The following BPIFB1 variants were observed in gnomAD, a reference collection of about 807,000 sequenced individuals.
BPIFB1 encodes BPI fold containing family B member 1.
In BPIFB1, 34 loss-of-function variants were observed where a neutral mutation model predicts 55.1. The observed-to-expected ratio is 0.62, with a 90% confidence interval of 0.47 to 0.82. The LOEUF (loss-of-function observed/expected upper bound fraction) is 0.82. Among genes scored for constraint, BPIFB1 ranks in the 40% least tolerant of loss-of-function variants. The pLI is 0.00. For missense variants in BPIFB1, 532 were observed against 593.1 expected, an observed-to-expected ratio of 0.90 and a Z score of 1.07; for synonymous variants, 236 against 245.3, an observed-to-expected ratio of 0.96 and a Z score of 0.35.
intron 6 of BPIFB1, among the ~76,000 whole-genome samples, chr20:33,294,122 C>T (rs757189246): frequency 4.6e-5 from 7 of 152,068 alleles, no homozygotes; most frequent in African/African-American, 7.3e-5. Flanking sequence ...AAGGAAGATC[C>T]ATTATTTTAA....
chr20:33,301,163 C>T, intron 8 of BPIFB1, 70 bp from the exon 9 acceptor site: 1 of 1,460,668 alleles, frequency 6.8e-7, no homozygotes. Flanking sequence ...GGTGTCATTT[C>T]CTTCTAGGTT....
At chr20:33,284,001 G>T (rs1369586223) in intron 1 of BPIFB1, among the ~76,000 whole-genome samples, 1 of 152,160 alleles carries the variant, frequency 6.6e-6, no homozygotes. Context: ...GGATGCCGGG[G>T]TTCAGCTCTG....
intron 6 of BPIFB1, among the ~76,000 whole-genome samples, chr20:33,295,645 G>GAAGAAAGAAAGACAGAGAGAAAGA (rs1555797813): frequency 2.4e-5 from 3 of 125,416 alleles, no homozygotes; most frequent in African/African-American, 1.3e-4. Flanking sequence ...AAAGAGAGAA[G>GAAGAAAGAAAGACAGAGAGAAAGA]AAGAAAGAAA....
Position 33,286,069 on chromosome 20 carries a change from G to A in BPIFB1, c.-5G>A, listed in dbSNP as rs368557203. ...TGCACTTGCTGCCCTCTGACACCTG[G>A]GAAGATGGCCGGCCCGTGGACCTTC... On this transcript the variant is annotated 5_prime_UTR_variant, in exon 2 of 16. Coordinates refer to ENST00000253354, the MANE Select transcript of BPIFB1 (RefSeq NM_033197.3). 14 of 1,613,928 alleles carry A rather than the reference G, an allele frequency of 8.7e-6. No homozygotes were observed. The highest frequency in any genetic ancestry group is 8.3e-5 in the Admixed American group (5 of 60,000).
rs1034562848 is a variant in BPIFB1, at chr20:33,293,393, T to C, written c.597+1405T>C. 2.0e-5 allele frequency among the ~76,000 whole-genome samples: 3 copies of C among 152,356 alleles called. No homozygotes were observed. The South Asian group carries it at 6.2e-4, about 32-fold the overall frequency. ...GCTGCTCTTGGTGTCAGCCTTTAAA[T>C]CAGATCTATGTTTCAAAGTCATTAT... On this transcript the variant is annotated intron_variant, in intron 6 of 15. Coordinates refer to ENST00000253354, the MANE Select transcript of BPIFB1 (RefSeq NM_033197.3).
chr20:33,293,825 G>A (rs1365052356), intron 6 of BPIFB1, among the ~76,000 whole-genome samples: 1 of 151,818 alleles, frequency 6.6e-6, no homozygotes, highest in East Asian at 1.9e-4. Flanking sequence ...TAGGCATGAC[G>A]GCAAGACTCT....
At chr20:33,299,112 A>G (rs564457857) in intron 7 of BPIFB1, 1 of 456,368 alleles carries the variant, frequency 2.2e-6, no homozygotes, top group Non-Finnish European at 4.4e-6. Flanking sequence ...TCATTTTAAG[A>G]CGAGGAAACA....
chr20:33,283,492 C>T (rs1309875229), intron 1 of BPIFB1, among the ~76,000 whole-genome samples: 1 of 152,168 alleles, frequency 6.6e-6, no homozygotes, highest in African/African-American at 2.4e-5. Flanking sequence ...TGACCTCTTC[C>T]TAGTGACATA....
chr20:33,286,178 C>A lies in BPIFB1; in HGVS notation c.105C>A (p.Val35=). Residue 35 remains valine (V), a synonymous_variant, in exon 2 of 16, where the codon GTC becomes GTA. Transcript: ENST00000253354. ...CAGTTCTCATCCTCGGCCCAAAAGT[C>A]ATCAAAGAAAGTAAGTTTTGTCCCT... ...PTAVLILGPK[V]IKEKLTQELK... 6.2e-7 allele frequency: 1 copy of A among 1,614,192 alleles called. No homozygotes were observed. The highest frequency in any genetic ancestry group is 2.2e-5 in the East Asian group (1 of 44,888).
chr20:33,285,875 C>T (rs1325967754), intron 1 of BPIFB1, among the ~76,000 whole-genome samples, 158 bp from the exon 2 acceptor site: 1 of 152,210 alleles, frequency 6.6e-6, no homozygotes, highest in Non-Finnish European at 1.5e-5. Context: ...AAAACTGAGG[C>T]ACAAAGAGGT....
intron 2 of BPIFB1, among the ~76,000 whole-genome samples, chr20:33,287,328 C>A (rs1980302228): frequency 6.6e-6 from 1 of 152,172 alleles, no homozygotes; most frequent in Non-Finnish European, 1.5e-5. Context: ...CATGTCCAAG[C>A]CAGTTACCAC....
intron 7 of BPIFB1, chr20:33,299,223 GAGCGGTAGGCGGCCGGTCCCTGGCCCTCC>G: frequency 2.2e-6 from 1 of 454,328 alleles, no homozygotes; most frequent in Non-Finnish European, 4.4e-6. Flanking sequence ...GGTCTCCCTG[GAGCGGTAGGCGGCCGGTCCCTGGCCCTCC>G]AGCACTCCCC....
At chr20:33,295,654 AAGAAAGAG>A (rs1474363411) in intron 6 of BPIFB1, among the ~76,000 whole-genome samples, 2 of 150,614 alleles carry the variant, frequency 1.3e-5, no homozygotes, top group African/African-American at 2.5e-5. Flanking sequence ...AGAAGAAAGA[AAGAAAGAG>A]AGAAAGAAAG....
chr20:33,302,975 G>A lies in BPIFB1; in HGVS notation c.1041G>A (p.Glu347=), dbSNP rs909015802. ...IVKILTQDTP[E]FFIDQGHAKV... The stretch of plus-strand genomic sequence containing the variant: ...AGATCCTAACTCAGGACACTCCCGA[G>A]TTTTTTATAGACCAAGGCCATGCCA... The change falls in exon 11 of 16, where the codon GAG becomes GAA. Residue 347 remains glutamate (E), a synonymous_variant. Coordinates refer to ENST00000253354, the MANE Select transcript of BPIFB1 (RefSeq NM_033197.3). 1 of 1,614,176 alleles carries A rather than the reference G, an allele frequency of 6.2e-7. No homozygotes were observed. Among genetic ancestry groups the A allele is most frequent in the East Asian group, 2.2e-5 (1 of 44,878 alleles).
At chr20:33,297,700 C>A (rs778080565) in intron 7 of BPIFB1, 112 bp downstream of exon 7, 2 of 1,112,852 alleles carry the variant, frequency 1.8e-6, no homozygotes, top group Non-Finnish European at 2.7e-6. Context: ...GCAACTCAGG[C>A]CCAGAAGCAG....
chr20:33,290,887 G>T, intron 4 of BPIFB1, 70 bp from the exon 5 acceptor site: 1 of 1,549,458 alleles, frequency 6.5e-7, no homozygotes, highest in Non-Finnish European at 8.8e-7. Context: ...GGAAGACAGA[G>T]ACGGACGGCA....
chr20:33,294,455 G>A (rs1409382078), intron 6 of BPIFB1, among the ~76,000 whole-genome samples: 4 of 152,188 alleles, frequency 2.6e-5, no homozygotes, highest in Non-Finnish European at 4.4e-5. Flanking sequence ...CGACCTTTTA[G>A]CAAAGGTACG....
chr20:33,288,940 A>T, intron 3 of BPIFB1, 58 bp downstream of exon 3: 1 of 1,555,902 alleles, frequency 6.4e-7, no homozygotes. Context: ...TGCCCGGGAC[A>T]CGCTCTGCAT....
intron 3 of BPIFB1, 138 bp downstream of exon 3, chr20:33,289,020 C>A: frequency 1.0e-6 from 1 of 1,000,072 alleles, no homozygotes; most frequent in Non-Finnish European, 1.4e-6. Flanking sequence ...AAAGCCCCTC[C>A]GTCAAGAAGC....
Sources: gnomAD v4.1 joint callset for allele counts (sites outside exome capture counted in the v4.1 genomes callset) on GRCh38, gnomAD v4.1.1 for gene constraint, MANE v1.5 for transcripts, NCBI Gene and HGNC (gene_info 2026-07-23, HGNC 2026-07-21) for gene names.